Variants in GPC5 observed in about 807,000 individuals in gnomAD.
GPC5 encodes glypican 5.
A neutral mutation model predicts 53.9 loss-of-function variants in GPC5; 47 were observed. That is an observed-to-expected ratio of 0.87 (90% CI 0.69 to 1.11). GPC5 has a LOEUF of 1.11. Ranked by LOEUF, GPC5 falls within the 50% of genes most tolerant of loss-of-function variation. The pLI is 0.00. For missense variants in GPC5, 748 were observed against 713.1 expected (o/e 1.05, Z -0.56); for synonymous variants, 286 against 263.3 (o/e 1.09, Z -0.84).
At chr13:92,206,661 T>G (rs1294987761) in intron 7 of GPC5, among the ~76,000 whole-genome samples, 1 of 152,156 alleles carries the variant, frequency 6.6e-6, no homozygotes, top group Non-Finnish European at 1.5e-5. Context: ...TTACTTAATT[T>G]CCTTATACAT....
At position 91,636,530 on chromosome 13, in the gene GPC5, T is replaced by C. The variant is rs144536121; in HGVS notation, c.326-56657T>C. ...TTGTCCTGTGATTACAGTAGACTTA[T>C]AGTGGCATTTTATAGCCATGGATAT... On this transcript the variant is annotated intron_variant, in intron 2 of 7. Transcript: ENST00000377067. Among the ~76,000 whole-genome samples the C allele has an allele frequency of 4.4e-3, 666 of 152,270 alleles. 2 individuals carry two copies. The highest frequency in any genetic ancestry group is 0.034 in the Middle Eastern group (10 of 294).
chr13:91,888,315 A>G (rs2039348226), intron 5 of GPC5, among the ~76,000 whole-genome samples: 1 of 152,180 alleles, frequency 6.6e-6, no homozygotes, highest in Non-Finnish European at 1.5e-5. Flanking sequence ...TCCTCCCAGG[A>G]CACGTGGGGA....
intron 7 of GPC5, among the ~76,000 whole-genome samples, chr13:92,512,607 A>AT (rs1225919887): frequency 6.6e-6 from 1 of 151,998 alleles, no homozygotes; most frequent in African/African-American, 2.4e-5. Flanking sequence ...TTTTTCACCT[A>AT]TTTCTTCATT....
intron 6 of GPC5, among the ~76,000 whole-genome samples, chr13:92,070,977 CCTGTAATCCCAGCA>C: frequency 6.6e-6 from 1 of 152,242 alleles, no homozygotes; most frequent in Non-Finnish European, 1.5e-5. Flanking sequence ...GTGGCTCACG[CCTGTAATCCCAGCA>C]CTTTGGGAGG....
chr13:92,264,878 C>CTCTGTG (rs1310875481), intron 7 of GPC5, among the ~76,000 whole-genome samples: 40 of 104,764 alleles, frequency 3.8e-4, no homozygotes, highest in South Asian at 3.6e-3. Flanking sequence ...CTCTCTCTCT[C>CTCTGTG]TGTGTGTGTG....
chr13:92,271,583 T>G (rs983417734), intron 7 of GPC5, among the ~76,000 whole-genome samples: 2 of 152,206 alleles, frequency 1.3e-5, no homozygotes, highest in African/African-American at 4.8e-5. Flanking sequence ...GAGAAAGTTA[T>G]AAGTTGTAAT....
At chr13:91,753,704 A>T (rs563595912) in intron 4 of GPC5, among the ~76,000 whole-genome samples, 1 of 152,304 alleles carries the variant, frequency 6.6e-6, no homozygotes, top group African/African-American at 2.4e-5. Flanking sequence ...TTTTACCATA[A>T]TTCATTCCCA....
intron 6 of GPC5, among the ~76,000 whole-genome samples, chr13:92,094,191 G>A (rs147150908): frequency 2.9e-3 from 448 of 152,176 alleles, no homozygotes; most frequent in African/African-American, 0.01. Context: ...ATATTTGAAT[G>A]TACACTGATT....
At chr13:92,441,920 C>G (rs7320877) in intron 7 of GPC5, among the ~76,000 whole-genome samples, 10,121 of 152,206 alleles carry the variant, frequency 0.066, 362 homozygotes, top group Admixed American at 0.096. Flanking sequence ...AGAGGCATCA[C>G]AAATATATGT....
At chr13:92,122,944 G>T (rs2041662935) in intron 6 of GPC5, among the ~76,000 whole-genome samples, 1 of 151,888 alleles carries the variant, frequency 6.6e-6, no homozygotes, top group Non-Finnish European at 1.5e-5. Flanking sequence ...AACATACAAA[G>T]AATATAGACA....
At chr13:92,847,867 T>G (rs748957198) in intron 7 of GPC5, among the ~76,000 whole-genome samples, 124 of 152,218 alleles carry the variant, frequency 8.1e-4, no homozygotes, top group Non-Finnish European at 1.6e-3. Flanking sequence ...CTTTGAAATG[T>G]AAGCACTTAT....
intron 6 of GPC5, among the ~76,000 whole-genome samples, chr13:91,946,033 G>A (rs188513689): frequency 5.3e-5 from 8 of 152,148 alleles, no homozygotes; most frequent in Non-Finnish European, 1.0e-4. Context: ...GGGGGCGGGG[G>A]CTTCTACTTC....
At position 92,834,410 on chromosome 13, in the gene GPC5, T is replaced by C. The variant is rs566189936; in HGVS notation, c.1562-31872T>C. The stretch of plus-strand genomic sequence containing the variant: ...TTACACAATTCATCCAAAAATTGCT[T>C]CTACTAACTCTGACTTCCAAACTCA... On this transcript the variant is annotated intron_variant, in intron 7 of 7. Transcript: ENST00000377067. Among the ~76,000 whole-genome samples, 3 of 152,250 alleles carry C rather than the reference T, an allele frequency of 2.0e-5. No homozygotes were observed. The East Asian group carries it at 5.8e-4, about 29-fold the overall frequency.
chr13:91,877,319 C>T (rs1463879452), intron 5 of GPC5, among the ~76,000 whole-genome samples: 2 of 152,102 alleles, frequency 1.3e-5, no homozygotes, highest in Admixed American at 1.3e-4. Context: ...CCTGGAAAAG[C>T]CGCAGATATT....
chr13:91,536,818 A>T (rs1366548809), intron 2 of GPC5, among the ~76,000 whole-genome samples: 5 of 152,232 alleles, frequency 3.3e-5, no homozygotes, highest in Non-Finnish European at 7.3e-5. Context: ...AATTTGTTAC[A>T]GAAGACTTAG....
At position 92,414,770 on chromosome 13, in the gene GPC5, T is replaced by G. The variant is rs77370449; in HGVS notation, c.1561+269781T>G. On this transcript the variant is annotated intron_variant, in intron 7 of 7. Coordinates refer to ENST00000377067, the MANE Select transcript of GPC5 (RefSeq NM_004466.6). ...AAGAGAAAGGCAGTGGTAGATTGAT[T>G]GTCTAGTGAGGGCCCACTTTCTGGT... 3.6e-3 allele frequency among the ~76,000 whole-genome samples: 550 copies of G among 152,266 alleles called. 1 individual carries two copies. Among genetic ancestry groups the G allele is most frequent in the African/African-American group, 0.013 (524 of 41,560 alleles).
intron 2 of GPC5, among the ~76,000 whole-genome samples, chr13:91,561,440 C>G (rs149731170): frequency 6.8e-4 from 103 of 152,262 alleles, no homozygotes; most frequent in Middle Eastern, 3.4e-3. Flanking sequence ...TATCACACCT[C>G]ATTTAATTAA....
At chr13:92,273,640 T>C (rs893886355) in intron 7 of GPC5, among the ~76,000 whole-genome samples, 2 of 151,776 alleles carry the variant, frequency 1.3e-5, no homozygotes, top group Non-Finnish European at 1.5e-5. Flanking sequence ...TATATATATT[T>C]AGAAAATTAA....
chr13:92,274,801 A>T lies in GPC5; in HGVS notation c.1561+129812A>T, dbSNP rs138897118. ...TTAGCCAAACGGAAGTTACAATCTT[A>T]TGCAGTATAATCATGCATTCTGTTG... On this transcript the variant is annotated intron_variant, in intron 7 of 7. Coordinates refer to ENST00000377067, the MANE Select transcript of GPC5 (RefSeq NM_004466.6). Among the ~76,000 whole-genome samples, 3 of 152,278 alleles carry T rather than the reference A, an allele frequency of 2.0e-5. No homozygotes were observed. The East Asian group carries it at 5.8e-4, about 29-fold the overall frequency.
Sources: allele counts gnomAD v4.1 joint callset (sites outside exome capture counted in the v4.1 genomes callset), GRCh38; gene constraint gnomAD v4.1.1; transcripts MANE v1.5; gene names NCBI Gene and HGNC (gene_info 2026-07-23, HGNC 2026-07-21).